Variants in ZSCAN29 observed in about 807,000 individuals in gnomAD.
ZSCAN29 encodes zinc finger and SCAN domain containing 29.
In ZSCAN29, 55 loss-of-function variants were observed where a neutral mutation model predicts 71.9. That is an observed-to-expected ratio of 0.76 (90% CI 0.62 to 0.96). The LOEUF is 0.96. ZSCAN29 is among the 40% of genes least tolerant of loss of function. The probability of loss-of-function intolerance (pLI) is 0.00; values close to 1 mark genes in which losing one functional copy is unlikely to be tolerated. For missense variants in ZSCAN29, 1,042 were observed against 1,042.2 expected (o/e 1.00, Z 0.00); for synonymous variants, 351 against 371.6 (o/e 0.94, Z 0.64).
chr15:43,366,719 G>A lies in ZSCAN29; in HGVS notation c.613C>T (p.Leu205Phe). ...TCTCCTATGTGGCTGCCACTTGGAA[G>A]TTCTTTCTCCTTAGAGCCCAGCAGA... ...PDLLGSKEKE[L>F]PSGSHIGDRR... Residue 205 changes from leucine to phenylalanine, a missense_variant, in exon 4 of 6, where the codon CTT (leucine) becomes TTT (phenylalanine). Leu to Phe is a conservative substitution (Grantham distance 22). Transcript: ENST00000684362. The A allele has an allele frequency of 1.2e-6, 2 of 1,614,182 alleles. No individual in the cohort carries two copies. Among genetic ancestry groups the A allele is most frequent in the South Asian group, 2.2e-5 (2 of 91,082 alleles).
In ZSCAN29 at chr15:43,367,541, T is replaced by C. The variant is rs547670414; in HGVS notation, c.524-733A>G. ...CCAGTGCCCTCAAGAAGCCTTACCG[T>C]CAGCCCTCCCTCATCTCCCACTCTG... On this transcript the variant is annotated intron_variant, in intron 3 of 5. Transcript: ENST00000684362. Among the ~76,000 whole-genome samples the C allele has an allele frequency of 1.1e-4, 17 of 152,290 alleles. No homozygotes were observed. The South Asian group carries it at 3.5e-3, about 32-fold the overall frequency.
chr15:43,361,623 AC>A lies in ZSCAN29; in HGVS notation c.2008del (p.Val670TyrfsTer177). ...FGPNSLLMHQ[V>X]SHQVENPYKC... ...ATATGGATTTTCCACCTGGTGGGAT[AC>A]CTGATGCATGAGAAGGGAGTTTGGA... is the stretch of plus-strand genomic sequence containing the variant. On this transcript the variant is annotated frameshift_variant, in exon 6 of 6. Coordinates refer to ENST00000684362, the MANE Select transcript of ZSCAN29 (RefSeq NM_001372080.1). LOFTEE classifies it high-confidence loss of function. The A allele has an allele frequency of 6.2e-7, 1 of 1,614,218 alleles. No homozygotes were observed. Among genetic ancestry groups the A allele is most frequent in the Non-Finnish European group, 8.5e-7 (1 of 1,180,046 alleles).
Position 43,364,005 on chromosome 15 carries a change from C to T in ZSCAN29, c.1600G>A (p.Glu534Lys). ...KQAEEADEATEEDSDDDEEDT... is the reference protein window; with the variant it reads ...KQAEEADEATKEDSDDDEEDT... Reference sequence around the variant, plus strand: ...TCTTCATCATCATCAGAATCTTCCTCTGTGGCCTCGTCTGCTTCCTCAGCT... The same window carrying T: ...TCTTCATCATCATCAGAATCTTCCTTTGTGGCCTCGTCTGCTTCCTCAGCT... Residue 534 changes from glutamate (E) to lysine (K), a missense_variant, in exon 5 of 6, where the codon GAG becomes AAG. Transcript: ENST00000684362. 6.2e-7 allele frequency: 1 copy of T among 1,614,208 alleles called. No homozygotes were observed. Among genetic ancestry groups the T allele is most frequent in the South Asian group, 1.1e-5 (1 of 91,080 alleles).
In ZSCAN29 at chr15:43,369,624, T is replaced by G; in HGVS notation, c.290A>C (p.Glu97Ala). ...AGATCTAGGTCTTCCAGGCTCTCTT[T>G]CTAAATCTTCCACGAGAGTCACTGC... ...EEAVTLVEDL[E>A]REPGRPRSSV... Residue 97 changes from glutamate (E) to alanine (A), a missense_variant, in exon 2 of 6, where the codon GAA becomes GCA. Physicochemically the swap from Glu to Ala is moderately radical, Grantham distance 107. Coordinates refer to ENST00000684362, the MANE Select transcript of ZSCAN29 (RefSeq NM_001372080.1). The G allele has an allele frequency of 1.2e-6, 2 of 1,613,746 alleles. No homozygotes were observed. The highest frequency in any genetic ancestry group is 4.5e-5 in the East Asian group (2 of 44,864).
intron 5 of ZSCAN29, chr15:43,363,651 T>C (rs1036150134): frequency 2.7e-6 from 1 of 374,872 alleles, no homozygotes; most frequent in African/African-American, 2.0e-5. Flanking sequence ...GTAAACTGGT[T>C]GGAAACCTAG....
In ZSCAN29 at chr15:43,360,767, C is replaced by G. The variant is rs1048679278; in HGVS notation, c.*306G>C. 2.2e-5 allele frequency: 6 copies of G among 273,126 alleles called. No individual in the cohort carries two copies. In the Admixed American group the frequency reaches 2.3e-4, roughly 11 times the overall value. The allele number at this position is 273,126 out of a possible 1,614,324, so 16.9% of individuals were successfully genotyped here. The stretch of plus-strand genomic sequence containing the variant: ...AGTAAAGAAGGATGCTTATCAAATT[C>G]ATAGGATCTATTACCTTGTCCTCTG... On this transcript the variant is annotated 3_prime_UTR_variant, in exon 6 of 6. Coordinates refer to ENST00000684362, the MANE Select transcript of ZSCAN29 (RefSeq NM_001372080.1).
chr15:43,368,888 G>T, intron 3 of ZSCAN29, 35 bp downstream of exon 3: 1 of 1,529,150 alleles, frequency 6.5e-7, no homozygotes, highest in South Asian at 1.3e-5. Flanking sequence ...AACTTGGAAT[G>T]GCAGTCTATC....
chr15:43,364,892 CAAAAAAAAAAAA>C (rs57976198), intron 4 of ZSCAN29, among the ~76,000 whole-genome samples: 1 of 38,938 alleles, frequency 2.6e-5, no homozygotes, highest in African/African-American at 8.7e-5. Flanking sequence ...GACTCTGTCT[CAAAAAAAAAAAA>C]AAAAAAAAAA....
intron 1 of ZSCAN29, chr15:43,370,253 A>G (rs2044088993): frequency 3.8e-6 from 1 of 261,550 alleles, no homozygotes; most frequent in Non-Finnish European, 7.4e-6. Context: ...TCCAAATCCG[A>G]TCCCATTTAA....
Position 43,370,626 on chromosome 15 carries a change from G to C in ZSCAN29, c.-181C>G, listed in dbSNP as rs2142743637. Reference sequence around the variant, plus strand: ...CAAAGCGAGGACCATGGGGGCTTGGGGAGAGTCACATTGGGCAGGAGAGAC... The same window carrying C: ...CAAAGCGAGGACCATGGGGGCTTGGCGAGAGTCACATTGGGCAGGAGAGAC... On this transcript the variant is annotated 5_prime_UTR_variant, in exon 1 of 6. Transcript: ENST00000684362. 6.5e-6 allele frequency: 1 copy of C among 152,966 alleles called. No individual in the cohort carries two copies. Among genetic ancestry groups the C allele is most frequent in the Middle Eastern group, 3.4e-3 (1 of 296 alleles). 9.5% of individuals were successfully genotyped at this position (152,966 alleles called of 1,614,324 possible).
rs1195551413 is a variant in ZSCAN29, at chr15:43,369,693, A to T, written c.221T>A (p.Ile74Asn). ...EQFLTVLPGE[I>N]QNWVQEQCPE... is the part of the protein sequence containing the mutation. ...ACATTGTTCCTGTACCCAATTCTGG[A>T]TCTCCCCAGGTAAGACGGTCAGGAA... The change falls in exon 2 of 6, where the codon ATC becomes AAC. Residue 74 changes from isoleucine (I) to asparagine (N), a missense_variant. Ile to Asn is a moderately radical substitution (Grantham distance 149). Coordinates refer to ENST00000684362, the MANE Select transcript of ZSCAN29 (RefSeq NM_001372080.1). 1 of 1,614,136 alleles carries T rather than the reference A, an allele frequency of 6.2e-7. No individual in the cohort carries two copies. Among genetic ancestry groups the T allele is most frequent in the Non-Finnish European group, 8.5e-7 (1 of 1,180,036 alleles).
chr15:43,362,038 T>C (rs1311673054), intron 5 of ZSCAN29, 97 bp from the exon 6 acceptor site: 14 of 1,314,256 alleles, frequency 1.1e-5, no homozygotes, highest in East Asian at 4.7e-5. Flanking sequence ...CACCACATGA[T>C]TAAAATTTAG....
In ZSCAN29 at chr15:43,366,738, C is replaced by T. The variant is rs768867908; in HGVS notation, c.594G>A (p.Leu198=). 1.9e-6 allele frequency: 3 copies of T among 1,614,072 alleles called. No individual in the cohort carries two copies. The East Asian group carries it at 6.7e-5, about 36-fold the overall frequency. The part of the protein sequence containing the change: ...EQGEPWIPDL[L]GSKEKELPSG... ...TTGGAAGTTCTTTCTCCTTAGAGCC[C>T]AGCAGATCTGGGATCCATGGCTCTC... Residue 198 remains leucine (L), a synonymous_variant, in exon 4 of 6, where the codon CTG becomes CTA. Coordinates refer to ENST00000684362, the MANE Select transcript of ZSCAN29 (RefSeq NM_001372080.1).
At chr15:43,369,530 T>C in intron 2 of ZSCAN29, 66 bp downstream of exon 2, 1 of 1,514,592 alleles carries the variant, frequency 6.6e-7, no homozygotes, top group South Asian at 1.3e-5. Context: ...TAAGCCTGTC[T>C]ATATCTTAAT....
chr15:43,369,689 C>T lies in ZSCAN29; in HGVS notation c.225G>A (p.Gln75=). The change falls in exon 2 of 6, where the codon CAG becomes CAA. Residue 75 remains glutamine (Q), a synonymous_variant. Coordinates refer to ENST00000684362, the MANE Select transcript of ZSCAN29 (RefSeq NM_001372080.1). ...CTGGACATTGTTCCTGTACCCAATT[C>T]TGGATCTCCCCAGGTAAGACGGTCA... ...QFLTVLPGEI[Q]NWVQEQCPEN... 6.2e-7 allele frequency: 1 copy of T among 1,614,236 alleles called. No homozygotes were observed. The highest frequency in any genetic ancestry group is 8.5e-7 in the Non-Finnish European group (1 of 1,180,044).
Position 43,360,937 on chromosome 15 carries a change from GAACA to G in ZSCAN29, c.*132_*135del, listed in dbSNP as rs1402721855. On this transcript the variant is annotated 3_prime_UTR_variant, in exon 6 of 6. Coordinates refer to ENST00000684362, the MANE Select transcript of ZSCAN29 (RefSeq NM_001372080.1). The stretch of plus-strand genomic sequence containing the variant: ...TTGAGTCTAGATCAGGAAAAACAAG[GAACA>G]AACAGTGGCATAAATCCTAAAGTGA... 2.0e-5 allele frequency: 25 copies of G among 1,242,918 alleles called. No individual in the cohort carries two copies. The highest frequency in any genetic ancestry group is 2.7e-5 in the Non-Finnish European group (24 of 901,954). The allele number at this position is 1,242,918 out of a possible 1,614,324, so 77.0% of individuals were successfully genotyped here. A position where few individuals can be genotyped will look rare whatever the true frequency, so the allele number is the denominator to read the frequency against.
At position 43,364,093 on chromosome 15, in the gene ZSCAN29, A is replaced by G; in HGVS notation, c.1512T>C (p.Asp504=). The G allele has an allele frequency of 6.2e-7, 1 of 1,614,170 alleles. No individual in the cohort carries two copies. Among genetic ancestry groups the G allele is most frequent in the Non-Finnish European group, 8.5e-7 (1 of 1,180,038 alleles). The change falls in exon 5 of 6, where the codon GAT becomes GAC. Residue 504 remains aspartate, a synonymous_variant. Transcript: ENST00000684362. ...GGCAAGAAGCAGTCTCTTCCTGGCCATCATTGGGTGGGGCAGCAACCCGGA... is the reference window on the plus strand; with the variant it reads ...GGCAAGAAGCAGTCTCTTCCTGGCCGTCATTGGGTGGGGCAGCAACCCGGA... ...VSVRVAAPPN[D]GQEETASCPV...
chr15:43,361,717 G>GT lies in ZSCAN29; in HGVS notation c.1914_1915insA (p.Leu639ThrfsTer14), dbSNP rs2043983695. The GT allele has an allele frequency of 1.9e-6, 3 of 1,614,162 alleles. No individual in the cohort carries two copies. Among genetic ancestry groups the GT allele is most frequent in the Non-Finnish European group, 2.5e-6 (3 of 1,180,032 alleles). On this transcript the variant is annotated frameshift_variant, in exon 6 of 6. Transcript: ENST00000684362. LOFTEE classifies it high-confidence loss of function. ...CCCAAGCAAGGTCTCTGTTGACTTAGGACTTCACTTAAGCTCTTCTCCGGG... is the reference window on the plus strand; with the variant it reads ...CCCAAGCAAGGTCTCTGTTGACTTAGTGACTTCACTTAAGCTCTTCTCCGGG...
Position 43,369,070 on chromosome 15 carries a change from A to G in ZSCAN29, c.376T>C (p.Ser126Pro). The part of the protein sequence containing the change: ...VRLEKMTPPK[S>P]SQELLSVRQE... ...CGAACACTTAATAACTCTTGTGATG[A>G]TTTCGGGGGTGTCATCTTCTCCAAG... Residue 126 changes from serine (S) to proline (P), a missense_variant, in exon 3 of 6, where the codon TCA (serine) becomes CCA (proline). Physicochemically the swap from Ser to Pro is moderately conservative, Grantham distance 74. Coordinates refer to ENST00000684362, the MANE Select transcript of ZSCAN29 (RefSeq NM_001372080.1). 1 of 1,604,630 alleles carries G rather than the reference A, an allele frequency of 6.2e-7. No homozygotes were observed. Among genetic ancestry groups the G allele is most frequent in the Non-Finnish European group, 8.5e-7 (1 of 1,173,758 alleles).
Sources: allele counts gnomAD v4.1 joint callset (sites outside exome capture counted in the v4.1 genomes callset), GRCh38; gene constraint gnomAD v4.1.1; transcripts MANE v1.5; gene names NCBI Gene and HGNC (gene_info 2026-07-23, HGNC 2026-07-21).